ZMIZ1: variants seen among roughly 807,000 people sequenced by gnomAD.
ZMIZ1 encodes zinc finger MIZ-type containing 1.
Under a neutral mutation model 113.9 loss-of-function variants are expected in ZMIZ1, and 17 were observed. The ratio of observed to expected loss-of-function variants is 0.15; its 90% CI spans 0.10 to 0.22. ZMIZ1 has a LOEUF of 0.22. Among genes scored for constraint, ZMIZ1 ranks in the 10% least tolerant of loss-of-function variants. The pLI, the probability that ZMIZ1 is intolerant of heterozygous loss-of-function variation, is 1.00. For synonymous variants in ZMIZ1, 607 were observed against 603.1 expected (o/e 1.01, Z -0.09); for missense variants, 1,059 against 1,477.8 (o/e 0.72, Z 4.65).
intron 1 of ZMIZ1, among the ~76,000 whole-genome samples, chr10:79,114,661 C>T (rs930819248): frequency 2.0e-5 from 3 of 152,136 alleles, no homozygotes; most frequent in Non-Finnish European, 4.4e-5. Context: ...GCTGTCAGCA[C>T]CCCCCTCCAC....
intron 6 of ZMIZ1, 44 bp from the exon 7 acceptor site, chr10:79,216,125 C>G (rs758123441): frequency 1.4e-6 from 2 of 1,408,880 alleles, no homozygotes; most frequent in Non-Finnish European, 1.9e-6. Flanking sequence ...TCCATTGGCT[C>G]TGGGCTCCGT....
chr10:79,256,331 A>G (rs1850899282), intron 7 of ZMIZ1, among the ~76,000 whole-genome samples: 1 of 151,222 alleles, frequency 6.6e-6, no homozygotes, highest in Admixed American at 6.6e-5. Flanking sequence ...CCATCCCTCT[A>G]TGCTCCTGGC....
intron 3 of ZMIZ1, among the ~76,000 whole-genome samples, chr10:79,142,839 C>T (rs1384339468): frequency 6.6e-6 from 1 of 152,236 alleles, no homozygotes. Context: ...AAACGCAGGG[C>T]TCCAGGTGGC....
intron 3 of ZMIZ1, among the ~76,000 whole-genome samples, chr10:79,157,476 C>T (rs887810719): frequency 6.6e-6 from 1 of 152,068 alleles, no homozygotes; most frequent in East Asian, 1.9e-4. Flanking sequence ...TGCCACAGAA[C>T]CCTGGGGCAG....
At position 79,069,774 on chromosome 10, in the gene ZMIZ1, T is replaced by G. The variant is rs951279769; in HGVS notation, c.-337+504T>G. 6.6e-6 allele frequency among the ~76,000 whole-genome samples: 1 copy of G among 152,154 alleles called. No individual in the cohort carries two copies. Among genetic ancestry groups the G allele is most frequent in the Non-Finnish European group, 1.5e-5 (1 of 68,028 alleles). ...GGCAAGGGGTGGTGGTGTTAACTTG[T>G]GCGTCTGAATTTCCAGGGAAAACAT... On this transcript the variant is annotated intron_variant, in intron 1 of 24. Coordinates refer to ENST00000334512, the MANE Select transcript of ZMIZ1 (RefSeq NM_020338.4). This position sits in a 1 kb window ranked among gnomAD's most constrained non-coding sequence, Gnocchi z 4.6.
At chr10:79,149,626 T>A (rs949331204) in intron 3 of ZMIZ1, among the ~76,000 whole-genome samples, 36 of 152,326 alleles carry the variant, frequency 2.4e-4, no homozygotes, top group Admixed American at 2.3e-3. Context: ...GGTCTTTCTC[T>A]AGGCGCTGTG....
At chr10:79,242,215 A>T (rs1047534783) in intron 7 of ZMIZ1, among the ~76,000 whole-genome samples, 1 of 152,102 alleles carries the variant, frequency 6.6e-6, no homozygotes, top group South Asian at 2.1e-4. Context: ...CCCTTGCGAC[A>T]GACTGGCTGG....
chr10:79,303,950 G>A, intron 18 of ZMIZ1, 65 bp from the exon 19 acceptor site: 1 of 1,600,218 alleles, frequency 6.2e-7, no homozygotes. Flanking sequence ...GGGAGCACGT[G>A]CAGACCCCCT....
intron 7 of ZMIZ1, among the ~76,000 whole-genome samples, chr10:79,221,216 C>T (rs957175530): frequency 8.5e-5 from 13 of 152,202 alleles, no homozygotes; most frequent in South Asian, 2.1e-4. Flanking sequence ...GGAGAGCTGG[C>T]GGTGAGCCGG....
At chr10:79,175,856 G>A (rs1846836908) in intron 4 of ZMIZ1, among the ~76,000 whole-genome samples, 1 of 152,004 alleles carries the variant, frequency 6.6e-6, no homozygotes, top group Non-Finnish European at 1.5e-5. Context: ...CAGGACTCCT[G>A]GGAGCCGGTG....
intron 1 of ZMIZ1, among the ~76,000 whole-genome samples, chr10:79,085,288 G>A (rs1234699657): frequency 6.6e-6 from 1 of 152,108 alleles, no homozygotes; most frequent in African/African-American, 2.4e-5. Context: ...GGTTCTGGGG[G>A]CTCAGCACCA....
intron 7 of ZMIZ1, among the ~76,000 whole-genome samples, chr10:79,252,765 CT>C (rs1850632290): frequency 6.6e-6 from 1 of 152,204 alleles, no homozygotes; most frequent in African/African-American, 2.4e-5. Context: ...GCACGCCCCC[CT>C]GCCCGTGCCC....
intron 2 of ZMIZ1, among the ~76,000 whole-genome samples, chr10:79,120,849 C>G (rs1589296084): frequency 6.6e-6 from 1 of 152,232 alleles, no homozygotes; most frequent in African/African-American, 2.4e-5. Context: ...TCCACCCTGC[C>G]TGCCTCCACC....
At chr10:79,252,881 CATAACT>C (rs2132893728) in intron 7 of ZMIZ1, among the ~76,000 whole-genome samples, 1 of 152,328 alleles carries the variant, frequency 6.6e-6, no homozygotes, top group Non-Finnish European at 1.5e-5. Flanking sequence ...TCTTCAAGTT[CATAACT>C]ATGACTATAG....
rs1855452364 is a variant in ZMIZ1, at chr10:79,315,144, G to A, written c.*2395G>A. ...CTCAGCACCTGAGGCGGGTTTCCTG[G>A]GTCCCCTCTCCAGCAAGCCTCCACC... On this transcript the variant is annotated 3_prime_UTR_variant, in exon 25 of 25. Coordinates refer to ENST00000334512, the MANE Select transcript of ZMIZ1 (RefSeq NM_020338.4). 6.5e-6 allele frequency: 1 copy of A among 152,810 alleles called. No homozygotes were observed. Among genetic ancestry groups the A allele is most frequent in the African/African-American group, 2.4e-5 (1 of 41,408 alleles). 9.5% of individuals were successfully genotyped at this position (152,810 alleles called of 1,614,324 possible).
At chr10:79,110,714 C>G (rs1385348292) in intron 1 of ZMIZ1, among the ~76,000 whole-genome samples, 1 of 152,224 alleles carries the variant, frequency 6.6e-6, no homozygotes, top group East Asian at 1.9e-4. Context: ...GGCTCAGAGG[C>G]TCTGAAAGAA....
At chr10:79,226,900 C>A (rs1252347870) in intron 7 of ZMIZ1, among the ~76,000 whole-genome samples, 1 of 152,152 alleles carries the variant, frequency 6.6e-6, no homozygotes, top group Non-Finnish European at 1.5e-5. Flanking sequence ...ATTCCTAGCC[C>A]CTTTCAGTCA....
chr10:79,162,153 G>A lies in ZMIZ1; in HGVS notation c.-50+20G>A. On this transcript the variant is annotated intron_variant, in intron 4 of 24. Coordinates refer to ENST00000334512, the MANE Select transcript of ZMIZ1 (RefSeq NM_020338.4). ...ACTGAGGTAGGTGTGCCACGGGGCT[G>A]GCGGGAGGTGGCTGGGTCGGACGCA... The A allele has an allele frequency of 2.5e-6, 1 of 399,464 alleles. No individual in the cohort carries two copies. The highest frequency in any genetic ancestry group is 3.6e-5 in the East Asian group (1 of 28,162). The allele number at this position is 399,464 out of a possible 1,614,324, so 24.7% of individuals were successfully genotyped here.
chr10:79,272,244 C>T (rs1851993151), intron 7 of ZMIZ1, among the ~76,000 whole-genome samples: 1 of 152,012 alleles, frequency 6.6e-6, no homozygotes, highest in Non-Finnish European at 1.5e-5. Flanking sequence ...CAAGATCGCA[C>T]CACTGCACTC....
Sources: gnomAD v4.1 joint callset for allele counts (sites outside exome capture counted in the v4.1 genomes callset) on GRCh38, gnomAD v4.1.1 for gene constraint, Gnocchi (gnomAD v3.1) non-coding constraint, MANE v1.5 for transcripts, NCBI Gene and HGNC (gene_info 2026-07-23, HGNC 2026-07-21) for gene names.